The following CD38 variants were observed in gnomAD, a reference collection of about 807,000 sequenced individuals.
CD38 encodes the protein CD38 molecule, also known as ADP-ribosyl cyclase/cyclic ADP-ribose hydrolase 1.
A neutral mutation model predicts 36.3 loss-of-function variants in CD38; 31 were observed. That is an observed-to-expected ratio of 0.85 (90% CI 0.64 to 1.15). The LOEUF is 1.15. CD38 is among the 50% of genes most tolerant of loss of function. CD38 has a pLI of 0.00. For synonymous variants in CD38, 131 were observed against 135.2 expected (o/e 0.97, Z 0.22); for missense variants, 380 against 371.9 (o/e 1.02, Z -0.18).
chr4:15,823,797 G>C (rs1453771832), intron 2 of CD38, among the ~76,000 whole-genome samples: 1 of 152,128 alleles, frequency 6.6e-6, no homozygotes, highest in Non-Finnish European at 1.5e-5. Context: ...GTTTGACCCA[G>C]CAATCCCATT....
chr4:15,781,358 G>T (rs4426771), intron 1 of CD38, among the ~76,000 whole-genome samples: 1 of 152,086 alleles, frequency 6.6e-6, no homozygotes, highest in African/African-American at 2.4e-5. Context: ...CACATTCCTA[G>T]TACTAATGCT....
In CD38 at chr4:15,847,701, GA is replaced by G. The variant is rs1300331226; in HGVS notation, c.840-837del. On this transcript the variant is annotated intron_variant, in intron 7 of 7. Coordinates refer to ENST00000226279, the MANE Select transcript of CD38 (RefSeq NM_001775.4). ...GAGAAAATAGAATAGTAGAAACCTA[GA>G]CAAAGACTGGGAAATAAAGATGGTC... 2.1e-5 allele frequency among the ~76,000 whole-genome samples: 3 copies of G among 140,040 alleles called. No homozygotes were observed. In the Admixed American group the frequency reaches 2.2e-4, roughly 10 times the overall value. The allele number at this position is 140,040 out of a possible 152,430, so 91.9% of individuals were successfully genotyped here. A position where few individuals can be genotyped will look rare whatever the true frequency, so the allele number is the denominator to read the frequency against.
chr4:15,778,635 A>T lies in CD38; in HGVS notation c.221A>T (p.His74Leu). 3 of 1,611,284 alleles carry T rather than the reference A, an allele frequency of 1.9e-6. No homozygotes were observed. The highest frequency in any genetic ancestry group is 2.5e-6 in the Non-Finnish European group (3 of 1,177,852). Residue 74 changes from histidine to leucine, a missense_variant, in exon 1 of 8, where the codon CAT (histidine) becomes CTT (leucine). By Grantham distance (99) the His-to-Leu change is moderately conservative. Coordinates refer to ENST00000226279, the MANE Select transcript of CD38 (RefSeq NM_001775.4). The surrounding 1 kb of genome is among the most constrained non-coding windows in gnomAD (Gnocchi z 4.9). ...LARCVKYTEIHPEMRHVDCQS... is the reference protein window; with the variant it reads ...LARCVKYTEILPEMRHVDCQS... ...CGATGCGTCAAGTACACTGAAATTCATCCTGAGATGAGGTGGGTTGGCGAC... is the reference window on the plus strand; with the variant it reads ...CGATGCGTCAAGTACACTGAAATTCTTCCTGAGATGAGGTGGGTTGGCGAC...
rs1231026495 is a variant in CD38 at position 15,813,799 on chromosome 4, T to C, written c.234-2712T>C. Among the ~76,000 whole-genome samples the C allele has an allele frequency of 2.6e-5, 4 of 152,366 alleles. 1 individual carries two copies. Among genetic ancestry groups the C allele is most frequent in the Non-Finnish European group, 5.9e-5 (4 of 68,044 alleles). On this transcript the variant is annotated intron_variant, in intron 1 of 7. Coordinates refer to ENST00000226279, the MANE Select transcript of CD38 (RefSeq NM_001775.4). Reference sequence around the variant, plus strand: ...AAACTCATTCTTTTTTATGACTGCATAGTATTCCATGGTGTATATGTGCCA... The same window carrying C: ...AAACTCATTCTTTTTTATGACTGCACAGTATTCCATGGTGTATATGTGCCA...
At position 15,778,615 on chromosome 4, in the gene CD38, C is replaced by A; in HGVS notation, c.201C>A (p.Cys67Ter). 1 of 1,613,324 alleles carries A rather than the reference C, an allele frequency of 6.2e-7. No individual in the cohort carries two copies. Among genetic ancestry groups the A allele is most frequent in the Non-Finnish European group, 8.5e-7 (1 of 1,179,612 alleles). The change falls in exon 1 of 8, where the codon TGC becomes TGA. Residue 67 changes from cysteine (C) to a stop codon, truncating the protein, a stop_gained. Coordinates refer to ENST00000226279, the MANE Select transcript of CD38 (RefSeq NM_001775.4). LOFTEE classifies it high-confidence loss of function. The surrounding 1 kb of genome is among the most constrained non-coding windows in gnomAD (Gnocchi z 4.9). ...TTCCCGAGACCGTCCTGGCGCGATG[C>A]GTCAAGTACACTGAAATTCATCCTG... ...KRFPETVLAR[C>*]VKYTEIHPEM...
chr4:15,822,179 A>G (rs571963418), intron 2 of CD38, among the ~76,000 whole-genome samples: 2 of 152,050 alleles, frequency 1.3e-5, no homozygotes, highest in Non-Finnish European at 2.9e-5. Context: ...GCTAGGTATC[A>G]AAGGAACATA....
chr4:15,796,622 C>T (rs748248639), intron 1 of CD38, among the ~76,000 whole-genome samples: 2 of 151,986 alleles, frequency 1.3e-5, no homozygotes, highest in African/African-American at 2.4e-5. Flanking sequence ...CAAATAAAAT[C>T]GAAATACTCT....
chr4:15,778,672 G>T lies in CD38; in HGVS notation c.233+25G>T. On this transcript the variant is annotated intron_variant, in intron 1 of 7. Transcript: ENST00000226279. This position sits in a 1 kb window ranked among gnomAD's most constrained non-coding sequence, Gnocchi z 4.9. ...GGTGGGTTGGCGACTAAGGCGCACC[G>T]GTGGGCACTGCGGGGACAGCAGGGC... is the stretch of plus-strand genomic sequence containing the variant. 6.6e-7 allele frequency: 1 copy of T among 1,514,038 alleles called. No individual in the cohort carries two copies. Among genetic ancestry groups the T allele is most frequent in the Non-Finnish European group, 9.2e-7 (1 of 1,090,906 alleles). 93.8% of individuals were successfully genotyped at this position (1,514,038 alleles called of 1,614,324 possible). A position where few individuals can be genotyped will look rare whatever the true frequency, so the allele number is the denominator to read the frequency against.
intron 4 of CD38, among the ~76,000 whole-genome samples, chr4:15,837,764 T>C (rs1239896152): frequency 1.3e-5 from 2 of 152,216 alleles, no homozygotes; most frequent in Non-Finnish European, 2.9e-5. Flanking sequence ...TGCATGACAC[T>C]GAGAAAGCAC....
chr4:15,839,506 C>T (rs1019070916), intron 5 of CD38, among the ~76,000 whole-genome samples: 1 of 146,142 alleles, frequency 6.8e-6, no homozygotes, highest in African/African-American at 2.6e-5. Flanking sequence ...TCACTGCAAG[C>T]TCAGCCTCCC....
At chr4:15,814,080 T>C (rs1723531129) in intron 1 of CD38, among the ~76,000 whole-genome samples, 1 of 152,208 alleles carries the variant, frequency 6.6e-6, no homozygotes, top group Admixed American at 6.5e-5. Flanking sequence ...GTAAAAGCAT[T>C]CCTATTTCTC....
At chr4:15,785,896 T>G (rs1367885893) in intron 1 of CD38, among the ~76,000 whole-genome samples, 1 of 152,200 alleles carries the variant, frequency 6.6e-6, no homozygotes, top group African/African-American at 2.4e-5. Context: ...TTGGACATGT[T>G]CGGAGTTTCT....
Position 15,826,456 on chromosome 4 carries a change from T to TGC in CD38, c.499+1443_499+1444dup, listed in dbSNP as rs754112971. 1.7e-3 allele frequency among the ~76,000 whole-genome samples: 163 copies of TGC among 93,792 alleles called. 3 individuals carry two copies. The highest frequency in any genetic ancestry group is 6.9e-3 in the South Asian group (22 of 3,196). 61.5% of individuals were successfully genotyped at this position (93,792 alleles called of 152,430 possible). A position where few individuals can be genotyped will look rare whatever the true frequency, so the allele number is the denominator to read the frequency against. On this transcript the variant is annotated intron_variant, in intron 3 of 7. Coordinates refer to ENST00000226279, the MANE Select transcript of CD38 (RefSeq NM_001775.4). Reference sequence around the variant, plus strand: ...GTCATTATTGTAAGAAACACTTTTGTGCGCACACACACACACACACACACA... The same window carrying TGC: ...GTCATTATTGTAAGAAACACTTTTGTGCGCGCACACACACACACACACACACA...
At chr4:15,815,324 T>C (rs1723573042) in intron 1 of CD38, among the ~76,000 whole-genome samples, 1 of 152,254 alleles carries the variant, frequency 6.6e-6, no homozygotes, top group Non-Finnish European at 1.5e-5. Flanking sequence ...GGTATCTTGA[T>C]GGGAATAGCA....
chr4:15,814,392 C>T (rs1723538332), intron 1 of CD38, among the ~76,000 whole-genome samples: 1 of 152,130 alleles, frequency 6.6e-6, no homozygotes, highest in South Asian at 2.1e-4. Flanking sequence ...CTGTAGGTTG[C>T]CTGTTCACTC....
intron 6 of CD38, 107 bp from the exon 7 acceptor site, chr4:15,840,345 T>A: frequency 1.3e-6 from 1 of 791,046 alleles, no homozygotes; most frequent in Non-Finnish European, 2.1e-6. Context: ...ACCTCTACTT[T>A]ACCTCTTTAT....
intron 1 of CD38, among the ~76,000 whole-genome samples, chr4:15,787,980 C>G (rs1337432538): frequency 1.3e-5 from 2 of 152,210 alleles, no homozygotes; most frequent in African/African-American, 4.8e-5. Flanking sequence ...TTCCCTTGTA[C>G]CCACTCCTCG....
intron 3 of CD38, among the ~76,000 whole-genome samples, chr4:15,828,038 A>G (rs1157527564): frequency 6.6e-6 from 1 of 152,236 alleles, no homozygotes; most frequent in Non-Finnish European, 1.5e-5. Flanking sequence ...TTTTTGAGAC[A>G]GGGTCTCACT....
intron 1 of CD38, among the ~76,000 whole-genome samples, chr4:15,785,109 T>G (rs1461443002): frequency 4.0e-5 from 6 of 150,950 alleles, no homozygotes; most frequent in African/African-American, 1.5e-4. Flanking sequence ...GAAGGGGAAG[T>G]GAAACAGGCC....
Sources: allele counts gnomAD v4.1 joint callset (sites outside exome capture counted in the v4.1 genomes callset), GRCh38; gene constraint gnomAD v4.1.1; non-coding constraint Gnocchi (gnomAD v3.1); transcripts MANE v1.5; gene names NCBI Gene and HGNC (gene_info 2026-07-23, HGNC 2026-07-21).